PARM1: variants seen among roughly 807,000 people sequenced by gnomAD.
PARM1 encodes the protein prostate androgen-regulated mucin-like protein 1.
Under a neutral mutation model 24.6 loss-of-function variants are expected in PARM1, and 14 were observed. The observed-to-expected ratio is 0.57, with a 90% CI of 0.38 to 0.89. The LOEUF (loss-of-function observed/expected upper bound fraction) is 0.89. PARM1 is among the 40% of genes least tolerant of loss of function. The pLI is 0.00. For missense variants in PARM1, 362 were observed against 380.4 expected, an observed-to-expected ratio of 0.95 and a Z score of 0.40; for synonymous variants, 179 against 156.6, an observed-to-expected ratio of 1.14 and a Z score of -1.07.
intron 1 of PARM1, among the ~76,000 whole-genome samples, chr4:74,949,553 C>G (rs1191430578): frequency 6.6e-6 from 1 of 152,192 alleles, no homozygotes; most frequent in Non-Finnish European, 1.5e-5. Context: ...ACCTTGTGAT[C>G]CACCTGTCTC....
chr4:74,983,365 G>A (rs1722294691), intron 1 of PARM1, among the ~76,000 whole-genome samples: 1 of 152,140 alleles, frequency 6.6e-6, no homozygotes, highest in Admixed American at 6.5e-5. Context: ...TTCTGACTCA[G>A]GAGACAAAAC....
intron 2 of PARM1, among the ~76,000 whole-genome samples, chr4:75,017,610 A>G (rs1329816579): frequency 6.6e-6 from 1 of 152,062 alleles, no homozygotes; most frequent in Non-Finnish European, 1.5e-5. Context: ...TTATCGCTTA[A>G]CCATTTTCTG....
chr4:74,971,842 A>G (rs1380113432), intron 1 of PARM1, among the ~76,000 whole-genome samples: 1 of 152,188 alleles, frequency 6.6e-6, no homozygotes, highest in East Asian at 1.9e-4. Context: ...TCTTTCTAGA[A>G]GAAAGTTTTC....
intron 2 of PARM1, among the ~76,000 whole-genome samples, chr4:75,023,376 G>A (rs1230393924): frequency 6.6e-6 from 1 of 152,136 alleles, no homozygotes; most frequent in African/African-American, 2.4e-5. Flanking sequence ...GGTTAAATGA[G>A]ACAAGTATAT....
chr4:74,952,582 C>G (rs984479626), intron 1 of PARM1, among the ~76,000 whole-genome samples: 1 of 152,072 alleles, frequency 6.6e-6, no homozygotes, highest in Non-Finnish European at 1.5e-5. Context: ...GTCTTTAATC[C>G]ATCTTGAGCT....
At chr4:74,990,038 T>G (rs918936584) in intron 1 of PARM1, among the ~76,000 whole-genome samples, 3 of 152,122 alleles carry the variant, frequency 2.0e-5, no homozygotes, top group Admixed American at 6.6e-5. Flanking sequence ...CAAGAGACAT[T>G]TCCATGTAAA....
Position 75,049,393 on chromosome 4 carries a change from T to C in PARM1, c.*3146T>C, listed in dbSNP as rs976973064. The C allele has an allele frequency of 1.3e-5, 2 of 152,226 alleles. No individual in the cohort carries two copies. The highest frequency in any genetic ancestry group is 4.8e-5 in the African/African-American group (2 of 41,454). The allele number at this position is 152,226 out of a possible 1,614,324, so 9.4% of individuals were successfully genotyped here. A position where few individuals can be genotyped will look rare whatever the true frequency, so the allele number is the denominator to read the frequency against. ...CTATTACATAGATATATAAGTGATC[T>C]CAGTTTCTTGTTTGCTGTGATACTA... On this transcript the variant is annotated 3_prime_UTR_variant, in exon 4 of 4. Transcript: ENST00000307428.
Position 75,047,768 on chromosome 4 carries a change from T to G in PARM1, c.*1521T>G, listed in dbSNP as rs1723637182. 1 of 152,246 alleles carries G rather than the reference T, an allele frequency of 6.6e-6. No individual in the cohort carries two copies. The highest frequency in any genetic ancestry group is 1.5e-5 in the Non-Finnish European group (1 of 68,040). 9.4% of individuals were successfully genotyped at this position (152,246 alleles called of 1,614,324 possible). ...ACAGATTAGTGATACGTTTTATTTTTAACAAAATGAAATGATGTGTTAAGT... is the reference window on the plus strand; with the variant it reads ...ACAGATTAGTGATACGTTTTATTTTGAACAAAATGAAATGATGTGTTAAGT... On this transcript the variant is annotated 3_prime_UTR_variant, in exon 4 of 4. Coordinates refer to ENST00000307428, the MANE Select transcript of PARM1 (RefSeq NM_015393.4).
intron 2 of PARM1, among the ~76,000 whole-genome samples, chr4:75,026,382 A>T (rs899424148): frequency 6.6e-6 from 1 of 152,240 alleles, no homozygotes; most frequent in Non-Finnish European, 1.5e-5. Flanking sequence ...TCTTATATGT[A>T]TAATATGCAT....
At chr4:74,997,665 G>A (rs1722600222) in intron 1 of PARM1, 1 of 152,168 alleles carries the variant, frequency 6.6e-6, no homozygotes, top group Non-Finnish European at 1.5e-5. Context: ...TGGAATGCAG[G>A]AGAGAACATA....
rs143078403 is a variant in PARM1, at chr4:74,986,938, A to G, written c.44-25487A>G. Among the ~76,000 whole-genome samples the G allele has an allele frequency of 3.2e-3, 488 of 152,274 alleles. 3 individuals are homozygous for G. The highest frequency in any genetic ancestry group is 0.012 in the African/African-American group (480 of 41,562). On this transcript the variant is annotated intron_variant, in intron 1 of 3. Transcript: ENST00000307428. ...GGCTCTGGAGTCAGGTCAGACAACTAGATTCACACCCCGGCTGTGCACTTT... is the reference window on the plus strand; with the variant it reads ...GGCTCTGGAGTCAGGTCAGACAACTGGATTCACACCCCGGCTGTGCACTTT...
chr4:74,960,590 T>C (rs1721749105), intron 1 of PARM1, among the ~76,000 whole-genome samples: 1 of 151,884 alleles, frequency 6.6e-6, no homozygotes, highest in South Asian at 2.1e-4. Flanking sequence ...TATTCAAAAG[T>C]CCAGTATTCA....
intron 2 of PARM1, among the ~76,000 whole-genome samples, chr4:75,026,584 G>A (rs1723186271): frequency 6.6e-6 from 1 of 152,198 alleles, no homozygotes; most frequent in African/African-American, 2.4e-5. Context: ...TATTCCCAAA[G>A]CACTTCCATG....
chr4:75,003,072 C>T lies in PARM1; in HGVS notation c.44-9353C>T, dbSNP rs374569009. ...CCTTCGGAAAATCTCCTTCCCACTC[C>T]CCACCACCCATGCCCATATCCACCT... On this transcript the variant is annotated intron_variant, in intron 1 of 3. Coordinates refer to ENST00000307428, the MANE Select transcript of PARM1 (RefSeq NM_015393.4). Among the ~76,000 whole-genome samples, 509 of 152,242 alleles carry T rather than the reference C, an allele frequency of 3.3e-3. 5 individuals are homozygous for T. The highest frequency in any genetic ancestry group is 0.011 in the African/African-American group (472 of 41,542).
At chr4:74,973,100 G>A (rs1055618373) in intron 1 of PARM1, among the ~76,000 whole-genome samples, 6 of 151,964 alleles carry the variant, frequency 3.9e-5, no homozygotes, top group Non-Finnish European at 8.8e-5. Flanking sequence ...CCCATCACAT[G>A]GGAGGTATTT....
intron 2 of PARM1, among the ~76,000 whole-genome samples, chr4:75,015,106 G>C (rs1014136140): frequency 3.9e-5 from 6 of 151,992 alleles, no homozygotes; most frequent in African/African-American, 1.5e-4. Flanking sequence ...TCCCCTTCAG[G>C]ATACTTTAGA....
intron 2 of PARM1, among the ~76,000 whole-genome samples, chr4:75,018,635 C>G (rs1348535261): frequency 1.3e-5 from 2 of 152,178 alleles, no homozygotes; most frequent in East Asian, 1.9e-4. Context: ...TTATCCTTTA[C>G]AGAAGACATG....
chr4:74,943,166 A>G (rs574608911), intron 1 of PARM1, among the ~76,000 whole-genome samples: 65 of 152,108 alleles, frequency 4.3e-4, no homozygotes, highest in Non-Finnish European at 9.0e-4. Flanking sequence ...TGCCAACACC[A>G]TATTCCCAGT....
At chr4:75,016,697 A>G (rs536045820) in intron 2 of PARM1, among the ~76,000 whole-genome samples, 41 of 152,048 alleles carry the variant, frequency 2.7e-4, no homozygotes, top group African/African-American at 9.6e-4. Flanking sequence ...CATTTTCACT[A>G]CCTTCTCTCT....
Sources: gnomAD v4.1 joint callset for allele counts (sites outside exome capture counted in the v4.1 genomes callset) on GRCh38, gnomAD v4.1.1 for gene constraint, MANE v1.5 for transcripts, NCBI Gene and HGNC (gene_info 2026-07-23, HGNC 2026-07-21) for gene names.